Variants in COL4A2 observed in about 807,000 individuals in gnomAD.
The protein encoded by COL4A2 is collagen alpha-2(IV) chain.
Under a neutral mutation model 200.2 loss-of-function variants are expected in COL4A2, and 99 were observed. That is an observed-to-expected ratio of 0.49 (90% confidence interval 0.42 to 0.58). The LOEUF (loss-of-function observed/expected upper bound fraction) is 0.58. Among genes scored for constraint, COL4A2 ranks in the 20% least tolerant of loss-of-function variants. The pLI, the probability that COL4A2 is intolerant of heterozygous loss-of-function variation, is 0.00. For missense variants in COL4A2, 1,950 were observed against 2,314.1 expected, an observed-to-expected ratio of 0.84 and a Z score of 3.23; for synonymous variants, 897 against 900.6, an observed-to-expected ratio of 1.00 and a Z score of 0.07.
intron 39 of COL4A2, among the ~76,000 whole-genome samples, chr13:110,494,734 G>GA (rs529115659): frequency 6.6e-6 from 1 of 151,992 alleles, no homozygotes; most frequent in Non-Finnish European, 1.5e-5. Flanking sequence ...CATTTAAGAG[G>GA]AAAAAAAGAC....
chr13:110,418,484 T>C (rs918649239), intron 4 of COL4A2, among the ~76,000 whole-genome samples: 2 of 152,234 alleles, frequency 1.3e-5, no homozygotes, highest in Non-Finnish European at 2.9e-5. Flanking sequence ...CGATACAGCT[T>C]TAGCTCTTAC....
At chr13:110,414,364 C>T (rs543130325) in intron 4 of COL4A2, among the ~76,000 whole-genome samples, 1 of 152,304 alleles carries the variant, frequency 6.6e-6, no homozygotes, top group East Asian at 1.9e-4. Context: ...TAAATTCTTC[C>T]CAGGCTCCTT....
At position 110,339,838 on chromosome 13, in the gene COL4A2, A is replaced by G. The variant is rs538897475; in HGVS notation, c.100-17634A>G. On this transcript the variant is annotated intron_variant, in intron 3 of 47. Coordinates refer to ENST00000360467, the MANE Select transcript of COL4A2 (RefSeq NM_001846.4). ...TAACCTGGACCATCCAAATAATGAC[A>G]GTCTGTGGCACTTCAGAAGCATTCC... 1.4e-3 allele frequency among the ~76,000 whole-genome samples: 213 copies of G among 152,352 alleles called. 1 individual carries two copies. Among genetic ancestry groups the G allele is most frequent in the African/African-American group, 5.0e-3 (206 of 41,570 alleles).
intron 40 of COL4A2, 119 bp downstream of exon 40, chr13:110,495,586 G>T (rs1883429783): frequency 8.9e-6 from 12 of 1,347,890 alleles, no homozygotes; most frequent in Non-Finnish European, 1.2e-5. Context: ...GAAAGAGCTG[G>T]TTTTTCTGGG....
At chr13:110,482,491 AG>A (rs1242540520) in intron 31 of COL4A2, 24 bp from the exon 32 acceptor site, 3 of 1,610,936 alleles carry the variant, frequency 1.9e-6, no homozygotes, top group Non-Finnish European at 2.5e-6. Flanking sequence ...TGTCTAACCC[AG>A]CACTTTTCTC....
At chr13:110,467,201 C>G in intron 27 of COL4A2, 105 bp downstream of exon 27, 2 of 1,441,312 alleles carry the variant, frequency 1.4e-6, no homozygotes, top group Admixed American at 3.9e-5. Flanking sequence ...TCCCCCACCC[C>G]AGACATGGTC....
chr13:110,317,124 CA>C (rs2139346640), intron 3 of COL4A2, among the ~76,000 whole-genome samples: 1 of 150,972 alleles, frequency 6.6e-6, no homozygotes, highest in East Asian at 2.1e-4. Context: ...CATATAGACA[CA>C]CTTGCACCCC....
chr13:110,459,985 G>A (rs749323138), intron 22 of COL4A2, among the ~76,000 whole-genome samples: 13 of 152,164 alleles, frequency 8.5e-5, no homozygotes, highest in East Asian at 1.9e-4. Context: ...CCTTTCTTCC[G>A]TGGCAGATTT....
intron 29 of COL4A2, among the ~76,000 whole-genome samples, chr13:110,475,707 C>T (rs1460380569): frequency 6.6e-6 from 1 of 152,218 alleles, no homozygotes; most frequent in African/African-American, 2.4e-5. Context: ...CAGCGTGCAG[C>T]GGGTCCTGCT....
intron 4 of COL4A2, among the ~76,000 whole-genome samples, chr13:110,364,977 T>A (rs948807408): frequency 1.3e-5 from 2 of 152,248 alleles, no homozygotes; most frequent in Non-Finnish European, 2.9e-5. Flanking sequence ...TCTGTTTACT[T>A]CTGTATTCCT....
Position 110,396,762 on chromosome 13 carries a change from C to G in COL4A2, c.181-27972C>G, listed in dbSNP as rs1555326447. 2.0e-5 allele frequency among the ~76,000 whole-genome samples: 3 copies of G among 152,240 alleles called. No homozygotes were observed. In the East Asian group the frequency reaches 5.8e-4, roughly 29 times the overall value. ...TTTCTTGTGAGGAGAGAATTAAAGGCGTTTCCAATCCCTAATGATAAAACC... is the reference window on the plus strand; with the variant it reads ...TTTCTTGTGAGGAGAGAATTAAAGGGGTTTCCAATCCCTAATGATAAAACC... On this transcript the variant is annotated intron_variant, in intron 4 of 47. Coordinates refer to ENST00000360467, the MANE Select transcript of COL4A2 (RefSeq NM_001846.4).
chr13:110,333,914 T>C (rs1876047292), intron 3 of COL4A2, among the ~76,000 whole-genome samples: 1 of 152,174 alleles, frequency 6.6e-6, no homozygotes, highest in African/African-American at 2.4e-5. Flanking sequence ...CCCTCTGAGA[T>C]AGGAACTAAT....
At chr13:110,372,075 T>C (rs1178222807) in intron 4 of COL4A2, among the ~76,000 whole-genome samples, 2 of 152,174 alleles carry the variant, frequency 1.3e-5, no homozygotes, top group Non-Finnish European at 2.9e-5. Context: ...TTTCCAATTG[T>C]CCTTACTCTA....
intron 4 of COL4A2, among the ~76,000 whole-genome samples, chr13:110,362,039 G>T (rs955144467): frequency 6.6e-6 from 1 of 152,132 alleles, no homozygotes; most frequent in East Asian, 1.9e-4. Flanking sequence ...TTCTGTGTCC[G>T]TACTCCTCTT....
chr13:110,308,528 C>T (rs1884874510), intron 3 of COL4A2, among the ~76,000 whole-genome samples: 1 of 152,124 alleles, frequency 6.6e-6, no homozygotes. Flanking sequence ...GTCTCTGTCA[C>T]GGACTGAGGG....
At chr13:110,420,092 G>C (rs757265708) in intron 4 of COL4A2, among the ~76,000 whole-genome samples, 10 of 152,180 alleles carry the variant, frequency 6.6e-5, no homozygotes, top group South Asian at 2.1e-4. Context: ...GGCCAGGCCT[G>C]AGACTCTGCA....
intron 33 of COL4A2, 134 bp downstream of exon 33, chr13:110,485,161 C>A: frequency 1.4e-6 from 1 of 722,926 alleles, no homozygotes; most frequent in Non-Finnish European, 2.2e-6. Flanking sequence ...TCTCTGGGCG[C>A]CCTGTGTGTC....
Position 110,449,675 on chromosome 13 carries a change from C to T in COL4A2, c.1079-4C>T, listed in dbSNP as rs1025963417. 1 of 1,540,214 alleles carries T rather than the reference C, an allele frequency of 6.5e-7. No homozygotes were observed. Among genetic ancestry groups the T allele is most frequent in the South Asian group, 1.2e-5 (1 of 83,526 alleles). On this transcript the variant is annotated splice_polypyrimidine_tract_variant and splice_region_variant and intron_variant, in intron 18 of 47. Transcript: ENST00000360467. The stretch of plus-strand genomic sequence containing the variant: ...TCTTACTGTGGGACTTGTTTCCCTT[C>T]CAGGTGCCAGAGGTGACCCGGGATT...
At position 110,428,430 on chromosome 13, in the gene COL4A2, G is replaced by T. The variant is rs750611135; in HGVS notation, c.361-37G>T. 11 of 1,247,892 alleles carry T rather than the reference G, an allele frequency of 8.8e-6. No individual in the cohort carries two copies. The South Asian group carries it at 1.4e-4, about 16-fold the overall frequency. The allele number at this position is 1,247,892 out of a possible 1,614,324, so 77.3% of individuals were successfully genotyped here. A position where few individuals can be genotyped will look rare whatever the true frequency, so the allele number is the denominator to read the frequency against. ...ACAGTTACATGACAACTAGAAGCCT[G>T]CTGGTTGGCTGATTCTCTCACTGCT... On this transcript the variant is annotated intron_variant, in intron 6 of 47. Coordinates refer to ENST00000360467, the MANE Select transcript of COL4A2 (RefSeq NM_001846.4).
Sources: gnomAD v4.1 joint callset for allele counts (sites outside exome capture counted in the v4.1 genomes callset) on GRCh38, gnomAD v4.1.1 for gene constraint, MANE v1.5 for transcripts, NCBI Gene and HGNC (gene_info 2026-07-23, HGNC 2026-07-21) for gene names.